ASTN2: variants seen among roughly 807,000 people sequenced by gnomAD.
ASTN2 encodes astrotactin-2.
ASTN2 carries 54 observed loss-of-function variants against 139.8 expected under a neutral mutation model. That is an observed-to-expected ratio of 0.39 (90% CI 0.31 to 0.48). ASTN2 has a LOEUF of 0.48. Ranked by LOEUF, ASTN2 falls within the 20% of genes least tolerant of loss-of-function variation. ASTN2 has a pLI of 0.95. For missense variants in ASTN2, 1,565 were observed against 1,725.1 expected, an observed-to-expected ratio of 0.91 and a Z score of 1.64; for synonymous variants, 756 against 719.5, an observed-to-expected ratio of 1.05 and a Z score of -0.81.
intron 5 of ASTN2, among the ~76,000 whole-genome samples, chr9:117,066,523 G>C: frequency 6.7e-6 from 1 of 150,018 alleles, no homozygotes; most frequent in Non-Finnish European, 1.5e-5. Context: ...TAGTCATTTG[G>C]GTATATACCC....
chr9:117,214,810 T>G (rs1044513855), intron 2 of ASTN2, 68 bp from the exon 3 acceptor site: 14 of 1,403,068 alleles, frequency 1.0e-5, no homozygotes, highest in Non-Finnish European at 1.2e-5. Context: ...CAGGGGATTT[T>G]CCTGTCCACT....
At chr9:116,974,906 T>A (rs958110001) in intron 10 of ASTN2, among the ~76,000 whole-genome samples, 2 of 152,154 alleles carry the variant, frequency 1.3e-5, no homozygotes, top group African/African-American at 4.8e-5. Context: ...CCTTTGTGAC[T>A]CTCCAACATA....
chr9:116,835,943 C>T (rs1831976952), intron 11 of ASTN2, among the ~76,000 whole-genome samples: 1 of 152,122 alleles, frequency 6.6e-6, no homozygotes, highest in Non-Finnish European at 1.5e-5. Context: ...TGAGCCACTG[C>T]ACCCAGATAG....
intron 10 of ASTN2, among the ~76,000 whole-genome samples, chr9:116,923,509 G>T: frequency 6.6e-6 from 1 of 152,198 alleles, no homozygotes; most frequent in Non-Finnish European, 1.5e-5. Flanking sequence ...TTGAAGTTAT[G>T]AGAAAAGGTG....
At chr9:116,502,975 G>A (rs1849943940) in intron 19 of ASTN2, among the ~76,000 whole-genome samples, 1 of 130,836 alleles carries the variant, frequency 7.6e-6, no homozygotes, top group African/African-American at 2.9e-5. Flanking sequence ...AAGAAGGGAA[G>A]GAAGGAGAGA....
intron 1 of ASTN2, among the ~76,000 whole-genome samples, chr9:117,394,367 T>C (rs1342786972): frequency 6.6e-6 from 1 of 152,176 alleles, no homozygotes; most frequent in Non-Finnish European, 1.5e-5. Flanking sequence ...TTAAAATTAG[T>C]TCCCCAGTGA....
intron 22 of ASTN2, among the ~76,000 whole-genome samples, chr9:116,429,546 C>G (rs1409862039): frequency 6.6e-6 from 1 of 152,134 alleles, no homozygotes; most frequent in Non-Finnish European, 1.5e-5. Flanking sequence ...ACACGTCAAA[C>G]TCTTAGAAAA....
intron 5 of ASTN2, among the ~76,000 whole-genome samples, chr9:117,061,408 A>AT (rs907386853): frequency 1.1e-4 from 17 of 151,574 alleles, no homozygotes; most frequent in East Asian, 3.9e-4. Context: ...TTTTTCCTCC[A>AT]TTTTTTTTAA....
intron 19 of ASTN2, among the ~76,000 whole-genome samples, chr9:116,508,730 A>C (rs146874512): frequency 1.5e-4 from 23 of 152,280 alleles, no homozygotes; most frequent in African/African-American, 5.5e-4. Context: ...AATTACTATA[A>C]AGATCTAAGA....
intron 19 of ASTN2, among the ~76,000 whole-genome samples, chr9:116,537,827 C>T (rs985819046): frequency 5.9e-5 from 9 of 152,128 alleles, no homozygotes; most frequent in African/African-American, 1.7e-4. Context: ...TGATTCAAAC[C>T]AGAGAGTAAG....
chr9:116,435,118 T>G (rs1334182014), intron 22 of ASTN2, among the ~76,000 whole-genome samples: 4 of 152,218 alleles, frequency 2.6e-5, no homozygotes, highest in Non-Finnish European at 5.9e-5. Flanking sequence ...GTGTCTGTTC[T>G]CTGGTCTCTA....
chr9:116,487,333 AT>A (rs1429073753), intron 20 of ASTN2, 25 bp downstream of exon 20: 1 of 1,610,724 alleles, frequency 6.2e-7, no homozygotes, highest in Non-Finnish European at 8.5e-7. Context: ...CTGCCTCATG[AT>A]CCCCACACAC....
intron 5 of ASTN2, among the ~76,000 whole-genome samples, chr9:117,085,937 C>A (rs948611509): frequency 2.0e-5 from 3 of 152,204 alleles, no homozygotes; most frequent in African/African-American, 7.2e-5. Flanking sequence ...TCCCTTAACT[C>A]ATGGCAGCCT....
chr9:116,780,253 GTAA>G (rs767374167), intron 13 of ASTN2, among the ~76,000 whole-genome samples: 3 of 152,336 alleles, frequency 2.0e-5, no homozygotes, highest in Admixed American at 6.5e-5. Flanking sequence ...AGAAAAATAA[GTAA>G]TAATAACTGC....
At position 116,964,256 on chromosome 9, in the gene ASTN2, T is replaced by TGTGC. The variant is rs1491183340; in HGVS notation, c.1889+10951_1889+10952insGCAC. On this transcript the variant is annotated intron_variant, in intron 10 of 22. Transcript: ENST00000313400. ...GTGTGTGTGTGTGTGTGTGTGTGTG[T>TGTGC]GCGCGCGCGCGCGTGTGTGTTGACT... Among the ~76,000 whole-genome samples the TGTGC allele has an allele frequency of 2.9e-3, 284 of 98,892 alleles. 1 individual carries two copies. The highest frequency in any genetic ancestry group is 9.2e-3 in the South Asian group (28 of 3,054). The allele number at this position is 98,892 out of a possible 152,430, so 64.9% of individuals were successfully genotyped here. A position where few individuals can be genotyped will look rare whatever the true frequency, so the allele number is the denominator to read the frequency against.
rs191666994 is a variant in ASTN2 at position 116,717,833 on chromosome 9, C to A, written c.2806+7938G>T. On this transcript the variant is annotated intron_variant, in intron 16 of 22. Transcript: ENST00000313400. ...TGAGACTGCAAGAAAGCTATGGAGA[C>A]TTTCATCCCAAATAAAACACAAATG... is the stretch of plus-strand genomic sequence containing the variant. Among the ~76,000 whole-genome samples the A allele has an allele frequency of 1.6e-3, 248 of 152,344 alleles. 2 individuals are homozygous for A. The highest frequency in any genetic ancestry group is 2.8e-3 in the Non-Finnish European group (189 of 68,028).
intron 12 of ASTN2, among the ~76,000 whole-genome samples, chr9:116,813,349 T>A (rs1831218809): frequency 6.6e-6 from 1 of 152,192 alleles, no homozygotes; most frequent in South Asian, 2.1e-4. Flanking sequence ...TTTTATTTAA[T>A]CCTCATAGCA....
intron 16 of ASTN2, among the ~76,000 whole-genome samples, chr9:116,676,243 CTCTG>C (rs1282898573): frequency 2.0e-5 from 3 of 152,206 alleles, no homozygotes; most frequent in African/African-American, 4.8e-5. Context: ...CTCTCTCTTT[CTCTG>C]TCTGGGTAAA....
intron 3 of ASTN2, among the ~76,000 whole-genome samples, chr9:117,211,207 C>T (rs1832114780): frequency 6.6e-6 from 1 of 152,098 alleles, no homozygotes; most frequent in South Asian, 2.1e-4. Flanking sequence ...AAATGACAAA[C>T]ATCCAAATTG....
Sources: allele counts gnomAD v4.1 joint callset (sites outside exome capture counted in the v4.1 genomes callset), GRCh38; gene constraint gnomAD v4.1.1; transcripts MANE v1.5; gene names NCBI Gene and HGNC (gene_info 2026-07-23, HGNC 2026-07-21).